Variants in GLCCI1 observed in about 807,000 individuals in gnomAD.
The protein encoded by GLCCI1 is glucocorticoid induced 1.
GLCCI1 carries 24 observed loss-of-function variants against 52.2 expected under a neutral mutation model. The ratio of observed to expected loss-of-function variants is 0.46; its 90% CI spans 0.33 to 0.65. The LOEUF is 0.65. GLCCI1 is among the 30% of genes least tolerant of loss of function. The probability of loss-of-function intolerance (pLI) is 0.02; values close to 1 mark genes in which losing one functional copy is unlikely to be tolerated. For missense variants in GLCCI1, 704 were observed against 701.5 expected (o/e 1.00, Z -0.04); for synonymous variants, 310 against 276.5 (o/e 1.12, Z -1.20).
At chr7:8,037,922 G>A (rs1243705776) in intron 3 of GLCCI1, among the ~76,000 whole-genome samples, 1 of 152,160 alleles carries the variant, frequency 6.6e-6, no homozygotes, top group Non-Finnish European at 1.5e-5. Flanking sequence ...AAAACAGATA[G>A]TAATACAATA....
chr7:8,031,477 A>G (rs1215233145), intron 3 of GLCCI1, among the ~76,000 whole-genome samples: 1 of 152,126 alleles, frequency 6.6e-6, no homozygotes, highest in Non-Finnish European at 1.5e-5. Context: ...AAGACCTAGT[A>G]TTTGATAGTA....
At chr7:8,047,321 A>G (rs1048169099) in intron 3 of GLCCI1, among the ~76,000 whole-genome samples, 3 of 152,186 alleles carry the variant, frequency 2.0e-5, no homozygotes, top group Admixed American at 2.0e-4. Flanking sequence ...TTTCTAAACA[A>G]TTGTACGCGT....
chr7:8,058,828 C>G (rs1782455799), intron 4 of GLCCI1, among the ~76,000 whole-genome samples: 1 of 152,178 alleles, frequency 6.6e-6, no homozygotes, highest in South Asian at 2.1e-4. Context: ...ACTTAACCTA[C>G]TAACAGCGTA....
chr7:7,978,568 C>T (rs943935415), intron 1 of GLCCI1, among the ~76,000 whole-genome samples: 6 of 151,992 alleles, frequency 3.9e-5, no homozygotes, highest in African/African-American at 2.4e-5. Context: ...ATAAGTTCTG[C>T]ATAGTAGTTA....
At chr7:7,982,922 C>G (rs1780650944) in intron 1 of GLCCI1, among the ~76,000 whole-genome samples, 2 of 152,024 alleles carry the variant, frequency 1.3e-5, no homozygotes, top group African/African-American at 4.8e-5. Flanking sequence ...CTATGAGTAT[C>G]TTCATTTGTA....
intron 3 of GLCCI1, among the ~76,000 whole-genome samples, chr7:8,028,848 T>TAGTTGTTCAAAGTAGC (rs1781685251): frequency 6.6e-6 from 1 of 152,068 alleles, no homozygotes; most frequent in South Asian, 2.1e-4. Context: ...AATTGGAATA[T>TAGTTGTTCAAAGTAGC]CTATAAGAAA....
intron 6 of GLCCI1, chr7:8,078,486 T>C (rs1782922247): frequency 6.6e-6 from 1 of 152,206 alleles, no homozygotes; most frequent in African/African-American, 2.4e-5. Flanking sequence ...TTTATATATT[T>C]CTAGGTGATA....
chr7:8,059,831 T>C (rs531900579), intron 4 of GLCCI1, among the ~76,000 whole-genome samples: 2 of 152,350 alleles, frequency 1.3e-5, no homozygotes, highest in South Asian at 4.1e-4. Flanking sequence ...ATTCTGCCAT[T>C]CTACTGAACA....
chr7:8,048,602 A>G (rs1407145530), intron 3 of GLCCI1, among the ~76,000 whole-genome samples: 2 of 152,070 alleles, frequency 1.3e-5, no homozygotes, highest in African/African-American at 4.8e-5. Flanking sequence ...CTCTCTTTTC[A>G]TTTGAGGTAA....
chr7:8,082,695 A>G (rs1192886111), intron 6 of GLCCI1, among the ~76,000 whole-genome samples: 2 of 152,180 alleles, frequency 1.3e-5, no homozygotes, highest in Non-Finnish European at 2.9e-5. Flanking sequence ...AAAAAGCAGA[A>G]TAATGTTTAA....
chr7:8,060,285 CTGATA>C, intron 5 of GLCCI1, 37 bp downstream of exon 5: 1 of 1,536,142 alleles, frequency 6.5e-7, no homozygotes, highest in Middle Eastern at 1.7e-4. Flanking sequence ...CTTTTTTTCT[CTGATA>C]TAACGAACTG....
intron 3 of GLCCI1, among the ~76,000 whole-genome samples, chr7:8,030,064 G>T (rs1046372189): frequency 1.3e-5 from 2 of 151,994 alleles, no homozygotes; most frequent in Non-Finnish European, 2.9e-5. Flanking sequence ...TGTATGGAAT[G>T]ACAAAAGACC....
At chr7:7,971,660 G>T (rs979460383) in intron 1 of GLCCI1, among the ~76,000 whole-genome samples, 1 of 152,112 alleles carries the variant, frequency 6.6e-6, no homozygotes, top group Non-Finnish European at 1.5e-5. Context: ...TTGTTTTTCT[G>T]CATCCTTCAA....
intron 2 of GLCCI1, among the ~76,000 whole-genome samples, chr7:8,005,691 T>C (rs982985513): frequency 6.6e-6 from 1 of 152,178 alleles, no homozygotes; most frequent in Non-Finnish European, 1.5e-5. Flanking sequence ...GACACTGCAC[T>C]AAAAAATGGT....
chr7:8,003,962 C>T lies in GLCCI1; in HGVS notation c.512C>T (p.Ser171Phe), dbSNP rs927067644. The T allele has an allele frequency of 6.8e-6, 11 of 1,613,602 alleles. No individual in the cohort carries two copies. The Admixed American group carries it at 1.8e-4, about 27-fold the overall frequency. Residue 171 changes from serine (S) to phenylalanine (F), a missense_variant, in exon 2 of 8, where the codon TCC becomes TTC. Ser to Phe is a radical substitution (Grantham distance 155, BLOSUM62 -2). This residue lies in a region of GLCCI1 where 547 missense variants were observed against 524.8 expected (regional missense o/e 1.04). Coordinates refer to ENST00000223145, the MANE Select transcript of GLCCI1 (RefSeq NM_138426.4). ...ACCTCTAGTACAATAAGGCGAACCT[C>T]CTCTTTGGATACAATAACAGGACCT... ...VRTSSTIRRTSSLDTITGPYL... is the reference protein window; with the variant it reads ...VRTSSTIRRTFSLDTITGPYL...
At position 8,078,040 on chromosome 7, in the gene GLCCI1, C is replaced by G. The variant is rs192515330; in HGVS notation, c.1178-6857C>G. Among the ~76,000 whole-genome samples the G allele has an allele frequency of 2.5e-4, 38 of 151,836 alleles. No individual in the cohort carries two copies. In the East Asian group the frequency reaches 6.4e-3, roughly 26 times the overall value. ...ACGAGGTCAGGAAATCGAGACCATC[C>G]TGGCTAACACGGTGAAACCCCGTCT... On this transcript the variant is annotated intron_variant, in intron 6 of 7. Transcript: ENST00000223145.
At position 8,088,243 on chromosome 7, in the gene GLCCI1, TG is replaced by T; in HGVS notation, c.*1706del. 1 of 39,182 alleles carries T rather than the reference TG, an allele frequency of 2.6e-5. No individual in the cohort carries two copies. The highest frequency in any genetic ancestry group is 6.6e-5 in the Non-Finnish European group (1 of 15,152). The allele number at this position is 39,182 out of a possible 1,614,324, so 2.4% of individuals were successfully genotyped here. The stretch of plus-strand genomic sequence containing the variant: ...AATGATATATATATGTATATGTTTG[TG>T]TGTGTGTGTGTGTGTGTGTGTGTGT... On this transcript the variant is annotated 3_prime_UTR_variant, in exon 8 of 8. Transcript: ENST00000223145.
intron 6 of GLCCI1, among the ~76,000 whole-genome samples, chr7:8,081,189 C>A (rs1782987116): frequency 6.6e-6 from 1 of 151,978 alleles, no homozygotes; most frequent in East Asian, 1.9e-4. Context: ...GGGAGCTTTA[C>A]CCCCCACCTC....
chr7:8,058,117 C>G (rs1439610895), intron 4 of GLCCI1, among the ~76,000 whole-genome samples: 1 of 151,990 alleles, frequency 6.6e-6, no homozygotes, highest in Non-Finnish European at 1.5e-5. Flanking sequence ...AACTAGATGA[C>G]TAGATAAAGT....
Sources: gnomAD v4.1 joint callset for allele counts (sites outside exome capture counted in the v4.1 genomes callset) on GRCh38, gnomAD v4.1.1 for gene constraint, gnomAD v4.1.1 regional missense constraint, MANE v1.5 for transcripts, NCBI Gene and HGNC (gene_info 2026-07-23, HGNC 2026-07-21) for gene names.